NRXN3: variants seen among roughly 807,000 people sequenced by gnomAD.
NRXN3 encodes the protein neurexin III.
A neutral mutation model predicts 137.6 loss-of-function variants in NRXN3; 32 were observed. The observed-to-expected ratio is 0.23, with a 90% CI of 0.18 to 0.31. The LOEUF is 0.31. Ranked by LOEUF, NRXN3 falls within the 10% of genes least tolerant of loss-of-function variation. The pLI is 1.00. For missense variants in NRXN3, 1,574 were observed against 2,062.5 expected (o/e 0.76, Z 4.59); for synonymous variants, 798 against 784.5 (o/e 1.02, Z -0.29).
intron 8 of NRXN3, among the ~76,000 whole-genome samples, chr14:78,718,007 G>A (rs988014): frequency 0.5 from 75,386 of 151,894 alleles, 21,895 homozygotes; most frequent in Non-Finnish European, 0.63. Flanking sequence ...TCCACTCTAG[G>A]CACTTCTGAA....
intron 4 of NRXN3, among the ~76,000 whole-genome samples, chr14:78,629,734 A>G (rs1056506282): frequency 6.6e-6 from 1 of 152,240 alleles, no homozygotes; most frequent in South Asian, 2.1e-4. Context: ...AATGAGCTAG[A>G]TGACTGTGAG....
intron 15 of NRXN3, among the ~76,000 whole-genome samples, chr14:79,125,988 T>C (rs958009750): frequency 3.3e-5 from 5 of 152,124 alleles, no homozygotes; most frequent in African/African-American, 1.2e-4. Flanking sequence ...TTCAGTTATC[T>C]TACTCATTGC....
chr14:79,385,210 C>CA (rs374801208), intron 15 of NRXN3, among the ~76,000 whole-genome samples: 4 of 112,426 alleles, frequency 3.6e-5, no homozygotes, highest in Middle Eastern at 4.9e-3. Flanking sequence ...TCCTTCCCCC[C>CA]GCCCCCACCC....
intron 10 of NRXN3, among the ~76,000 whole-genome samples, chr14:78,841,334 A>G (rs1034101852): frequency 6.6e-6 from 1 of 151,854 alleles, no homozygotes; most frequent in Non-Finnish European, 1.5e-5. Flanking sequence ...CTTGTTTTCT[A>G]TTTCCTTTCT....
At chr14:79,359,762 G>T (rs1256535194) in intron 15 of NRXN3, among the ~76,000 whole-genome samples, 5 of 151,654 alleles carry the variant, frequency 3.3e-5, no homozygotes, top group Admixed American at 1.3e-4. Context: ...GTAGACATGG[G>T]GTTTCACCAT....
chr14:79,288,551 A>G (rs1346612056), intron 15 of NRXN3, among the ~76,000 whole-genome samples: 1 of 152,184 alleles, frequency 6.6e-6, no homozygotes, highest in East Asian at 1.9e-4. Context: ...TACGATTAAA[A>G]ACATTGAGAC....
intron 15 of NRXN3, among the ~76,000 whole-genome samples, chr14:79,059,084 G>A (rs1297479241): frequency 6.6e-6 from 1 of 151,928 alleles, no homozygotes; most frequent in Non-Finnish European, 1.5e-5. Flanking sequence ...CTCAGGATTG[G>A]CCTCAAGGAA....
At chr14:78,897,510 G>A (rs1186093533) in intron 10 of NRXN3, among the ~76,000 whole-genome samples, 1 of 151,824 alleles carries the variant, frequency 6.6e-6, no homozygotes, top group Non-Finnish European at 1.5e-5. Context: ...TATGAGAAAG[G>A]CCACTTTGGA....
intron 15 of NRXN3, among the ~76,000 whole-genome samples, chr14:79,336,338 G>A (rs542918164): frequency 3.3e-4 from 50 of 152,256 alleles, no homozygotes; most frequent in African/African-American, 8.4e-4. Flanking sequence ...CTACACCTCT[G>A]TGAACAATGG....
chr14:78,326,589 G>A (rs1399833052), intron 4 of NRXN3, among the ~76,000 whole-genome samples: 2 of 152,186 alleles, frequency 1.3e-5, no homozygotes, highest in Non-Finnish European at 2.9e-5. Context: ...GGTATACATC[G>A]TGGTGGGGTG....
chr14:78,280,684 G>A (rs1483618241), intron 3 of NRXN3, among the ~76,000 whole-genome samples: 1 of 152,142 alleles, frequency 6.6e-6, no homozygotes, highest in African/African-American at 2.4e-5. Flanking sequence ...TCTGACAAAA[G>A]GGGCATCTTT....
At chr14:79,566,963 G>A (rs1156773872) in intron 16 of NRXN3, among the ~76,000 whole-genome samples, 1 of 152,030 alleles carries the variant, frequency 6.6e-6, no homozygotes, top group Non-Finnish European at 1.5e-5. Flanking sequence ...TAAATAAAGG[G>A]TTATCTTGTT....
At chr14:79,038,058 G>T (rs769336659) in intron 15 of NRXN3, among the ~76,000 whole-genome samples, 2 of 152,036 alleles carry the variant, frequency 1.3e-5, no homozygotes, top group Admixed American at 6.6e-5. Flanking sequence ...AAGGGGGTGT[G>T]TATGAATATT....
In NRXN3 at chr14:78,255,941, A is replaced by C. The variant is rs561742946; in HGVS notation, c.709+12139A>C. 2.1e-4 allele frequency among the ~76,000 whole-genome samples: 32 copies of C among 152,366 alleles called. No individual in the cohort carries two copies. The South Asian group carries it at 5.2e-3, about 25-fold the overall frequency. On this transcript the variant is annotated intron_variant, in intron 2 of 20. Transcript: ENST00000335750. ...ATGAAGTCAGGTCCAATCGGACCACACTGGCCACTGTTGGAAACACCTTCT... is the reference window on the plus strand; with the variant it reads ...ATGAAGTCAGGTCCAATCGGACCACCCTGGCCACTGTTGGAAACACCTTCT...
intron 4 of NRXN3, among the ~76,000 whole-genome samples, chr14:78,575,999 G>T (rs2096932266): frequency 6.6e-6 from 1 of 152,174 alleles, no homozygotes; most frequent in South Asian, 2.1e-4. Context: ...TGCAAGATTG[G>T]GAACGTACAA....
chr14:78,276,350 T>C (rs527567954), intron 2 of NRXN3, among the ~76,000 whole-genome samples: 1 of 152,242 alleles, frequency 6.6e-6, no homozygotes, highest in African/African-American at 2.4e-5. Context: ...CAGATGTCCT[T>C]ATTCATAAGT....
intron 20 of NRXN3, among the ~76,000 whole-genome samples, chr14:79,855,315 C>A (rs1373105019): frequency 6.6e-6 from 1 of 152,122 alleles, no homozygotes; most frequent in South Asian, 2.1e-4. Flanking sequence ...TTTTGCTTTA[C>A]AGATATTTGT....
chr14:79,066,539 T>C (rs535132068), intron 15 of NRXN3, among the ~76,000 whole-genome samples: 10 of 152,282 alleles, frequency 6.6e-5, no homozygotes, highest in Admixed American at 6.5e-4. Context: ...AATGGTAGTT[T>C]AATGGGAATA....
In NRXN3 at chr14:78,466,288, A is replaced by G. The variant is rs993205763; in HGVS notation, c.757+168428A>G. ...AGATTCTCAATCTGGTGAAAGAGAC[A>G]TTTTAAGAAGTTCTCATAATGTAAA... On this transcript the variant is annotated intron_variant, in intron 4 of 20. Coordinates refer to ENST00000335750, the MANE Select transcript of NRXN3 (RefSeq NM_001330195.2). Among the ~76,000 whole-genome samples, 21 of 152,336 alleles carry G rather than the reference A, an allele frequency of 1.4e-4. No homozygotes were observed. In the East Asian group the frequency reaches 4.0e-3, roughly 29 times the overall value.
Sources: gnomAD v4.1 joint callset for allele counts (sites outside exome capture counted in the v4.1 genomes callset) on GRCh38, gnomAD v4.1.1 for gene constraint, MANE v1.5 for transcripts, NCBI Gene and HGNC (gene_info 2026-07-23, HGNC 2026-07-21) for gene names.